DGKI: variants seen among roughly 807,000 people sequenced by gnomAD.
The protein encoded by DGKI is DAG kinase iota.
A neutral mutation model predicts 147.5 loss-of-function variants in DGKI; 55 were observed. The observed-to-expected ratio is 0.37, with a 90% CI of 0.30 to 0.47. The LOEUF is 0.47. Among genes scored for constraint, DGKI ranks in the 20% least tolerant of loss-of-function variants. The pLI, the probability that DGKI is intolerant of heterozygous loss-of-function variation, is 1.00. For synonymous variants in DGKI, 469 were observed against 477.1 expected, an observed-to-expected ratio of 0.98 and a Z score of 0.22; for missense variants, 1,007 against 1,323.8, an observed-to-expected ratio of 0.76 and a Z score of 3.71.
rs112678968 is a variant in DGKI, at chr7:137,816,608, T to C, written c.401+29854A>G. ...TACAGCAGTGAACCAATCAAAGACC[T>C]TGTGGTGCTTATATTTTAAAAGAGG... is the stretch of plus-strand genomic sequence containing the variant. On this transcript the variant is annotated intron_variant, in intron 1 of 32. Coordinates refer to ENST00000614521, the MANE Select transcript of DGKI (RefSeq NM_001321708.2). 5.0e-3 allele frequency among the ~76,000 whole-genome samples: 764 copies of C among 152,290 alleles called. 5 individuals carry two copies. The highest frequency in any genetic ancestry group is 0.018 in the African/African-American group (740 of 41,558).
At chr7:137,766,681 T>G (rs560509633) in intron 1 of DGKI, among the ~76,000 whole-genome samples, 1 of 152,294 alleles carries the variant, frequency 6.6e-6, no homozygotes, top group Non-Finnish European at 1.5e-5. Context: ...GAATTTCTTT[T>G]TCTAGAGAAA....
intron 29 of DGKI, 112 bp downstream of exon 29, chr7:137,412,058 G>T: frequency 9.5e-7 from 1 of 1,056,950 alleles, no homozygotes; most frequent in African/African-American, 1.6e-5. Flanking sequence ...TACCCAGCCA[G>T]TGCAAGCAGG....
chr7:137,625,805 G>C (rs1820917932), intron 6 of DGKI, among the ~76,000 whole-genome samples: 1 of 151,678 alleles, frequency 6.6e-6, no homozygotes, highest in African/African-American at 2.4e-5. Context: ...TTGTCCTTCT[G>C]GAAGTCTGGA....
At position 137,846,345 on chromosome 7, in the gene DGKI, A is replaced by C. The variant is rs1002672085; in HGVS notation, c.401+117T>G. 5.2e-6 allele frequency: 3 copies of C among 571,808 alleles called. No homozygotes were observed. Among genetic ancestry groups the C allele is most frequent in the Non-Finnish European group, 8.8e-6 (3 of 342,464 alleles). 35.4% of individuals were successfully genotyped at this position (571,808 alleles called of 1,614,324 possible). On this transcript the variant is annotated intron_variant, in intron 1 of 32. Coordinates refer to ENST00000614521, the MANE Select transcript of DGKI (RefSeq NM_001321708.2). This position sits in a 1 kb window ranked among gnomAD's most constrained non-coding sequence, Gnocchi z 4.0. Reference sequence around the variant, plus strand: ...CCCGGGAGGAGAGGGGGAAAGGGGGAAGGAGAGGCGTGGAAACAGAGAGGT... The same window carrying C: ...CCCGGGAGGAGAGGGGGAAAGGGGGCAGGAGAGGCGTGGAAACAGAGAGGT...
intron 1 of DGKI, among the ~76,000 whole-genome samples, chr7:137,787,459 T>C (rs1364788159): frequency 6.6e-6 from 1 of 152,018 alleles, no homozygotes; most frequent in Non-Finnish European, 1.5e-5. Flanking sequence ...CAAAAAACCA[T>C]AAAGTAATAG....
intron 19 of DGKI, among the ~76,000 whole-genome samples, chr7:137,563,113 A>T (rs933027581): frequency 2.0e-5 from 3 of 152,090 alleles, no homozygotes; most frequent in African/African-American, 7.2e-5. Context: ...TAAGATTTTT[A>T]AAAATTAATG....
chr7:137,616,000 T>G (rs1328996869), intron 8 of DGKI, among the ~76,000 whole-genome samples: 1 of 151,220 alleles, frequency 6.6e-6, no homozygotes, highest in African/African-American at 2.5e-5. Context: ...AAATAGACTA[T>G]GGTTCATTGG....
chr7:137,767,736 A>G (rs946644469), intron 1 of DGKI, among the ~76,000 whole-genome samples: 2 of 152,218 alleles, frequency 1.3e-5, no homozygotes, highest in Non-Finnish European at 2.9e-5. Context: ...TCCACCAGCT[A>G]CTACCTACAT....
At chr7:137,408,408 G>C (rs1401039075) in intron 29 of DGKI, among the ~76,000 whole-genome samples, 1 of 152,184 alleles carries the variant, frequency 6.6e-6, no homozygotes. Context: ...GGTGACTGTA[G>C]CTAAGCTTCT....
intron 5 of DGKI, among the ~76,000 whole-genome samples, chr7:137,649,302 C>CTTTTGACCATTAT (rs1406433826): frequency 6.6e-6 from 1 of 152,178 alleles, no homozygotes; most frequent in Non-Finnish European, 1.5e-5. Context: ...TTCTCACACT[C>CTTTTGACCATTAT]TTTTCTTTTG....
At chr7:137,797,254 T>G (rs1470657357) in intron 1 of DGKI, among the ~76,000 whole-genome samples, 1 of 152,130 alleles carries the variant, frequency 6.6e-6, no homozygotes, top group African/African-American at 2.4e-5. Flanking sequence ...AATCAAACAC[T>G]GAGAGAACCC....
chr7:137,691,276 C>T (rs541021253), intron 1 of DGKI, among the ~76,000 whole-genome samples: 157 of 152,282 alleles, frequency 1.0e-3, no homozygotes, highest in Non-Finnish European at 1.8e-3. Context: ...AAAACATCAG[C>T]AATTGCATTA....
intron 3 of DGKI, among the ~76,000 whole-genome samples, chr7:137,666,480 A>G (rs1822645910): frequency 6.6e-6 from 1 of 152,224 alleles, no homozygotes; most frequent in African/African-American, 2.4e-5. Context: ...CTTGGAATTC[A>G]TTTGGGTGAC....
At chr7:137,644,591 C>T (rs991933778) in intron 6 of DGKI, among the ~76,000 whole-genome samples, 14 of 152,184 alleles carry the variant, frequency 9.2e-5, no homozygotes, top group African/African-American at 3.4e-4. Context: ...CCAAAGGAGT[C>T]ACATGAATAA....
intron 27 of DGKI, among the ~76,000 whole-genome samples, chr7:137,449,268 T>C (rs981240076): frequency 6.6e-6 from 1 of 152,088 alleles, no homozygotes; most frequent in African/African-American, 2.4e-5. Flanking sequence ...CAAATCAGCA[T>C]GACACTGGCA....
At chr7:137,587,383 G>T (rs1215267178) in intron 12 of DGKI, among the ~76,000 whole-genome samples, 173 bp from the exon 13 acceptor site, 2 of 152,144 alleles carry the variant, frequency 1.3e-5, no homozygotes, top group Non-Finnish European at 2.9e-5. Flanking sequence ...ATCACAGGCA[G>T]TTACAAAATG....
intron 28 of DGKI, among the ~76,000 whole-genome samples, chr7:137,440,810 T>C (rs901111624): frequency 7.2e-5 from 11 of 152,210 alleles, no homozygotes; most frequent in African/African-American, 1.7e-4. Context: ...TATATAAATA[T>C]AGAAACAGTT....
Position 137,391,079 on chromosome 7 carries a change from T to G in DGKI, c.*141A>C, listed in dbSNP as rs1474677446. The G allele has an allele frequency of 1.7e-5, 12 of 720,468 alleles. No homozygotes were observed. The highest frequency in any genetic ancestry group is 3.0e-5 in the Non-Finnish European group (12 of 405,328). 44.6% of individuals were successfully genotyped at this position (720,468 alleles called of 1,614,324 possible). On this transcript the variant is annotated 3_prime_UTR_variant, in exon 33 of 33. Transcript: ENST00000614521. ...GTACATCTTGGTAGCCCTTAAAAGC[T>G]AGTGGCATGGTCTCAGGTAGATTCT...
intron 1 of DGKI, among the ~76,000 whole-genome samples, chr7:137,762,252 G>A (rs576323325): frequency 1.3e-5 from 2 of 152,220 alleles, no homozygotes; most frequent in South Asian, 4.1e-4. Context: ...TAGATTCCTG[G>A]GAAACACTCT....
Sources: gnomAD v4.1 joint callset for allele counts (sites outside exome capture counted in the v4.1 genomes callset) on GRCh38, gnomAD v4.1.1 for gene constraint, Gnocchi (gnomAD v3.1) non-coding constraint, MANE v1.5 for transcripts, NCBI Gene and HGNC (gene_info 2026-07-23, HGNC 2026-07-21) for gene names.